The following S1PR4 variants were observed in gnomAD, a reference collection of about 807,000 sequenced individuals.
S1PR4 encodes sphingosine 1-phosphate receptor 4.
Under a neutral mutation model 0.4 loss-of-function variants are expected in S1PR4, and 1 was observed. The ratio of observed to expected loss-of-function variants is 2.48; its 90% CI spans 0.88 to 11.76. S1PR4 has a LOEUF of 11.76. S1PR4 is among the 30% of genes most tolerant of loss of function. S1PR4 has a pLI of 0.12. For missense variants in S1PR4, 595 were observed against 557.8 expected, an observed-to-expected ratio of 1.07 and a Z score of -0.67; for synonymous variants, 296 against 266.7, an observed-to-expected ratio of 1.11 and a Z score of -1.07.
Position 3,180,003 on chromosome 19 carries a change from T to A in S1PR4, c.*56T>A. 6.8e-7 allele frequency: 1 copy of A among 1,465,260 alleles called. No homozygotes were observed. Among genetic ancestry groups the A allele is most frequent in the Non-Finnish European group, 9.1e-7 (1 of 1,094,130 alleles). The allele number at this position is 1,465,260 out of a possible 1,614,324, so 90.8% of individuals were successfully genotyped here. On this transcript the variant is annotated 3_prime_UTR_variant, in exon 1 of 1. Coordinates refer to ENST00000246115, the MANE Select transcript of S1PR4 (RefSeq NM_003775.4). ...CACCGGGTGCGTGCCAGGCAGGCCC[T>A]CCTGGGGTACAGGAAGCTGTGTGCA...
In S1PR4 at chr19:3,178,843, G is replaced by A. The variant is rs763097963; in HGVS notation, c.51G>A (p.Ala17=). 106 of 1,535,114 alleles carry A rather than the reference G, an allele frequency of 6.9e-5. 1 individual carries two copies. In the African/African-American group the frequency reaches 9.8e-4, roughly 14 times the overall value. Residue 17 remains alanine, a synonymous_variant, in exon 1 of 1, where the codon GCG becomes GCA. Coordinates refer to ENST00000246115, the MANE Select transcript of S1PR4 (RefSeq NM_003775.4). ...CCCCCGAGTCCTGCCAACAGCTGGC[G>A]GCCGGCGGGCACAGCCGGCTCATTG... ...PVAPESCQQL[A]AGGHSRLIVL...
Position 3,178,911 on chromosome 19 carries a change from G to A in S1PR4, c.119G>A (p.Gly40Glu), listed in dbSNP as rs865950235. Residue 40 changes from glycine (G) to glutamate (E), a missense_variant, in exon 1 of 1, where the codon GGG becomes GAG. Gly to Glu is a moderately conservative substitution (Grantham distance 98). Transcript: ENST00000246115. Reference protein sequence around the residue: ...NHSGRLAGRGGPEDGGLGALR... With the variant: ...NHSGRLAGRGEPEDGGLGALR... ...TCGGGCCGGCTGGCCGGGCGCGGGG[G>A]GCCGGAGGATGGCGGCCTGGGGGCC... The A allele has an allele frequency of 7.2e-6, 11 of 1,524,462 alleles. No individual in the cohort carries two copies. The African/African-American group carries it at 9.7e-5, about 13-fold the overall frequency. 94.4% of individuals were successfully genotyped at this position (1,524,462 alleles called of 1,614,324 possible). A position where few individuals can be genotyped will look rare whatever the true frequency, so the allele number is the denominator to read the frequency against.
chr19:3,179,407 C>T lies in S1PR4; in HGVS notation c.615C>T (p.Ile205=). 16 of 1,613,356 alleles carry T rather than the reference C, an allele frequency of 9.9e-6. No individual in the cohort carries two copies. Among genetic ancestry groups the T allele is most frequent in the Non-Finnish European group, 1.4e-5 (16 of 1,179,944 alleles). The change falls in exon 1 of 1, where the codon ATC becomes ATT. Residue 205 remains isoleucine (I), a synonymous_variant. Coordinates refer to ENST00000246115, the MANE Select transcript of S1PR4 (RefSeq NM_003775.4). ...SLLPLYSKRY[I]LFCLVIFAGV... The stretch of plus-strand genomic sequence containing the variant: ...TGCCCCTCTACTCCAAGCGCTACAT[C>T]CTCTTCTGCCTGGTGATCTTCGCCG...
rs1203589423 is a variant in S1PR4, at chr19:3,179,011, C to A, written c.219C>A (p.Ser73Arg). 5.0e-6 allele frequency: 8 copies of A among 1,596,048 alleles called. No individual in the cohort carries two copies. The highest frequency in any genetic ancestry group is 6.8e-6 in the Non-Finnish European group (8 of 1,175,908). Residue 73 changes from serine (S) to arginine (R), a missense_variant, in exon 1 of 1, where the codon AGC (serine) becomes AGA (arginine). Ser to Arg is a moderately radical substitution (Grantham distance 110). Coordinates refer to ENST00000246115, the MANE Select transcript of S1PR4 (RefSeq NM_003775.4). ...TGCTGGTGCTGGCGGCCATCACCAG[C>A]CACATGCGGTCGCGACGCTGGGTCT... ...ENLLVLAAIT[S>R]HMRSRRWVYY...
rs779334115 is a variant in S1PR4 at position 3,179,256 on chromosome 19, G to C, written c.464G>C (p.Gly155Ala). Reference protein sequence around the residue: ...ATMVRPVAESGATKTSRVYGF... With the variant: ...ATMVRPVAESAATKTSRVYGF... ...ATGGTGCGGCCGGTGGCCGAGAGCGGGGCCACCAAGACCAGCCGCGTCTAC... is the reference window on the plus strand; with the variant it reads ...ATGGTGCGGCCGGTGGCCGAGAGCGCGGCCACCAAGACCAGCCGCGTCTAC... The change falls in exon 1 of 1, where the codon GGG becomes GCG. Residue 155 changes from glycine (G) to alanine (A), a missense_variant. Coordinates refer to ENST00000246115, the MANE Select transcript of S1PR4 (RefSeq NM_003775.4). The C allele has an allele frequency of 8.8e-6, 14 of 1,599,786 alleles. No individual in the cohort carries two copies. Among genetic ancestry groups the C allele is most frequent in the African/African-American group, 1.3e-5 (1 of 74,626 alleles).
rs766521572 is a variant in S1PR4, at chr19:3,178,846, C to T, written c.54C>T (p.Ala18=). ...VAPESCQQLA[A]GGHSRLIVLH... ...CCGAGTCCTGCCAACAGCTGGCGGC[C>T]GGCGGGCACAGCCGGCTCATTGTTC... is the stretch of plus-strand genomic sequence containing the variant. The change falls in exon 1 of 1, where the codon GCC becomes GCT. Residue 18 remains alanine, a synonymous_variant. Transcript: ENST00000246115. The T allele has an allele frequency of 1.8e-5, 27 of 1,535,132 alleles. No homozygotes were observed. Among genetic ancestry groups the T allele is most frequent in the Non-Finnish European group, 2.0e-5 (23 of 1,147,308 alleles).
Position 3,180,187 on chromosome 19 carries a change from T to C in S1PR4, c.*240T>C. 1 of 433,642 alleles carries C rather than the reference T, an allele frequency of 2.3e-6. No individual in the cohort carries two copies. The highest frequency in any genetic ancestry group is 4.2e-6 in the Non-Finnish European group (1 of 238,258). 26.9% of individuals were successfully genotyped at this position (433,642 alleles called of 1,614,324 possible). On this transcript the variant is annotated 3_prime_UTR_variant, in exon 1 of 1. Coordinates refer to ENST00000246115, the MANE Select transcript of S1PR4 (RefSeq NM_003775.4). Reference sequence around the variant, plus strand: ...CGTAGGAGCAGAGAGCACCCTGGTGTGGGGGCGAGTGGGTTCCCCACAACC... The same window carrying C: ...CGTAGGAGCAGAGAGCACCCTGGTGCGGGGGCGAGTGGGTTCCCCACAACC...
At position 3,178,779 on chromosome 19, in the gene S1PR4, C is replaced by A. The variant is rs1915480912; in HGVS notation, c.-14C>A. 6.8e-7 allele frequency: 1 copy of A among 1,467,966 alleles called. No individual in the cohort carries two copies. The highest frequency in any genetic ancestry group is 8.9e-7 in the Non-Finnish European group (1 of 1,120,362). 90.9% of individuals were successfully genotyped at this position (1,467,966 alleles called of 1,614,324 possible). On this transcript the variant is annotated 5_prime_UTR_variant, in exon 1 of 1. Coordinates refer to ENST00000246115, the MANE Select transcript of S1PR4 (RefSeq NM_003775.4). ...CACCCTGCGTCGGGCCTCAGTCAGC[C>A]CCCGGGGGAGGCCATGAACGCCACG... is the stretch of plus-strand genomic sequence containing the variant.
chr19:3,179,608 G>A lies in S1PR4; in HGVS notation c.816G>A (p.Leu272=), dbSNP rs1172600756. The change falls in exon 1 of 1, where the codon CTG becomes CTA. Residue 272 remains leucine, a synonymous_variant. Transcript: ENST00000246115. ...VCWGPLFGLL[L]ADVFGSNLWA... ...GGGGCCCACTCTTCGGGCTGCTGCT[G>A]GCCGACGTCTTTGGCTCCAACCTCT... 7 of 1,613,136 alleles carry A rather than the reference G, an allele frequency of 4.3e-6. No individual in the cohort carries two copies. The highest frequency in any genetic ancestry group is 1.6e-4 in the Middle Eastern group (1 of 6,082).
chr19:3,178,901 G>T lies in S1PR4; in HGVS notation c.109G>T (p.Gly37Trp). ...CTACAACCACTCGGGCCGGCTGGCC[G>T]GGCGCGGGGGGCCGGAGGATGGCGG... ...LHYNHSGRLAGRGGPEDGGLG... is the reference protein window; with the variant it reads ...LHYNHSGRLAWRGGPEDGGLG... Residue 37 changes from glycine to tryptophan, a missense_variant, in exon 1 of 1, where the codon GGG becomes TGG. By Grantham distance (184) the Gly-to-Trp change is radical. Transcript: ENST00000246115. 6.6e-7 allele frequency: 1 copy of T among 1,523,230 alleles called. No individual in the cohort carries two copies. 94.4% of individuals were successfully genotyped at this position (1,523,230 alleles called of 1,614,324 possible). A position where few individuals can be genotyped will look rare whatever the true frequency, so the allele number is the denominator to read the frequency against.
Position 3,179,593 on chromosome 19 carries a change from C to T in S1PR4, c.801C>T (p.Leu267=). 1 of 1,613,274 alleles carries T rather than the reference C, an allele frequency of 6.2e-7. No individual in the cohort carries two copies. Among genetic ancestry groups the T allele is most frequent in the Non-Finnish European group, 8.5e-7 (1 of 1,179,870 alleles). Residue 267 remains leucine (L), a synonymous_variant, in exon 1 of 1, where the codon CTC becomes CTT. Transcript: ENST00000246115. ...LLAFLVCWGP[L]FGLLLADVFG... is the part of the protein sequence containing the mutation. ...CCTTCCTGGTGTGCTGGGGCCCACT[C>T]TTCGGGCTGCTGCTGGCCGACGTCT...
Position 3,179,367 on chromosome 19 carries a change from G to A in S1PR4, c.575G>A (p.Arg192His), listed in dbSNP as rs148909695. 2,305 of 1,613,178 alleles carry A rather than the reference G, an allele frequency of 1.4e-3. 18 individuals are homozygous for A. Among genetic ancestry groups the A allele is most frequent in the East Asian group, 0.01 (449 of 44,868 alleles). ...TGGAACTGCCTGTGCGCCTTTGACC[G>A]CTGCTCCAGCCTTCTGCCCCTCTAC... ...LGWNCLCAFD[R>H]CSSLLPLYSK... is the part of the protein sequence containing the mutation. Residue 192 changes from arginine to histidine, a missense_variant, in exon 1 of 1, where the codon CGC (arginine) becomes CAC (histidine). Transcript: ENST00000246115.
Position 3,179,341 on chromosome 19 carries a change from C to A in S1PR4, c.549C>A (p.Gly183=), listed in dbSNP as rs747440065. 9.9e-6 allele frequency: 16 copies of A among 1,612,830 alleles called. No individual in the cohort carries two copies. The Admixed American group carries it at 2.7e-4, about 27-fold the overall frequency. ...TGCTGGGGATGCTGCCTTTGCTGGG[C>A]TGGAACTGCCTGTGCGCCTTTGACC... The part of the protein sequence containing the change: ...AALLGMLPLL[G]WNCLCAFDRC... The change falls in exon 1 of 1, where the codon GGC becomes GGA. Residue 183 remains glycine, a synonymous_variant. Coordinates refer to ENST00000246115, the MANE Select transcript of S1PR4 (RefSeq NM_003775.4).
rs369355383 is a variant in S1PR4 at position 3,179,134 on chromosome 19, G to A, written c.342G>A (p.Ala114=). The A allele has an allele frequency of 9.3e-5, 150 of 1,611,740 alleles. No individual in the cohort carries two copies. The highest frequency in any genetic ancestry group is 2.0e-4 in the South Asian group (18 of 91,044). ...LLSGARTFRL[A]PAQWFLREGL... ...CGGGGGCCCGCACCTTCCGTCTGGC[G>A]CCCGCCCAGTGGTTCCTACGGGAGG... Residue 114 remains alanine, a synonymous_variant, in exon 1 of 1, where the codon GCG becomes GCA. Transcript: ENST00000246115.
At position 3,179,820 on chromosome 19, in the gene S1PR4, A is replaced by G; in HGVS notation, c.1028A>G (p.Glu343Gly). 3 of 1,593,538 alleles carry G rather than the reference A, an allele frequency of 1.9e-6. No homozygotes were observed. Among genetic ancestry groups the G allele is most frequent in the Non-Finnish European group, 2.6e-6 (3 of 1,170,250 alleles). The change falls in exon 1 of 1, where the codon GAG (glutamate) becomes GGG (glycine). Residue 343 changes from glutamate (E) to glycine (G), a missense_variant. Coordinates refer to ENST00000246115, the MANE Select transcript of S1PR4 (RefSeq NM_003775.4). ...GGGGACTGCCTGGCCCGGGCCGTCG[A>G]GGCTCACTCCGGAGCTTCCACCACC... ...GPGDCLARAV[E>G]AHSGASTTDS...
In S1PR4 at chr19:3,179,261, A is replaced by G. The variant is rs775780456; in HGVS notation, c.469A>G (p.Thr157Ala). 2.5e-6 allele frequency: 4 copies of G among 1,601,984 alleles called. No homozygotes were observed. The South Asian group carries it at 4.5e-5, about 18-fold the overall frequency. Reference protein sequence around the residue: ...MVRPVAESGATKTSRVYGFIG... With the variant: ...MVRPVAESGAAKTSRVYGFIG... ...GCGGCCGGTGGCCGAGAGCGGGGCC[A>G]CCAAGACCAGCCGCGTCTACGGCTT... The change falls in exon 1 of 1, where the codon ACC (threonine) becomes GCC (alanine). Residue 157 changes from threonine to alanine, a missense_variant. Thr to Ala is a moderately conservative substitution (Grantham distance 58). Coordinates refer to ENST00000246115, the MANE Select transcript of S1PR4 (RefSeq NM_003775.4).
In S1PR4 at chr19:3,180,193, C is replaced by T. The variant is rs1915522334; in HGVS notation, c.*246C>T. 4.7e-6 allele frequency: 2 copies of T among 429,236 alleles called. No homozygotes were observed. The highest frequency in any genetic ancestry group is 8.5e-6 in the Non-Finnish European group (2 of 235,770). The allele number at this position is 429,236 out of a possible 1,614,324, so 26.6% of individuals were successfully genotyped here. A position where few individuals can be genotyped will look rare whatever the true frequency, so the allele number is the denominator to read the frequency against. ...AGCAGAGAGCACCCTGGTGTGGGGG[C>T]GAGTGGGTTCCCCACAACCCCGCTT... is the stretch of plus-strand genomic sequence containing the variant. On this transcript the variant is annotated 3_prime_UTR_variant, in exon 1 of 1. Transcript: ENST00000246115.
At position 3,179,400 on chromosome 19, in the gene S1PR4, G is replaced by A. The variant is rs138558077; in HGVS notation, c.608G>A (p.Arg203His). The A allele has an allele frequency of 1.1e-4, 179 of 1,613,192 alleles. 1 individual carries two copies. Among genetic ancestry groups the A allele is most frequent in the South Asian group, 7.4e-4 (67 of 91,090 alleles). ...CSSLLPLYSK[R>H]YILFCLVIFA... is the part of the protein sequence containing the mutation. ...AGCCTTCTGCCCCTCTACTCCAAGCGCTACATCCTCTTCTGCCTGGTGATC... is the reference window on the plus strand; with the variant it reads ...AGCCTTCTGCCCCTCTACTCCAAGCACTACATCCTCTTCTGCCTGGTGATC... Residue 203 changes from arginine (R) to histidine (H), a missense_variant, in exon 1 of 1, where the codon CGC becomes CAC. By Grantham distance (29) the Arg-to-His change is conservative (BLOSUM62 0). Transcript: ENST00000246115.
At position 3,179,900 on chromosome 19, in the gene S1PR4, C is replaced by T. The variant is rs750351396; in HGVS notation, c.1108C>T (p.Arg370Trp). 5.3e-6 allele frequency: 8 copies of T among 1,521,700 alleles called. No individual in the cohort carries two copies. The highest frequency in any genetic ancestry group is 4.6e-5 in the East Asian group (2 of 43,646). 94.3% of individuals were successfully genotyped at this position (1,521,700 alleles called of 1,614,324 possible). ...TCGCGGCTCCCGCTCGCTCAGCTTT[C>T]GGATGCGGGAGCCCCTGTCCAGCAT... ...SFRGSRSLSF[R>W]MREPLSSISS... The change falls in exon 1 of 1, where the codon CGG becomes TGG. Residue 370 changes from arginine to tryptophan, a missense_variant. Coordinates refer to ENST00000246115, the MANE Select transcript of S1PR4 (RefSeq NM_003775.4).
Sources: allele counts gnomAD v4.1 joint callset, GRCh38; gene constraint gnomAD v4.1.1; transcripts MANE v1.5; gene names NCBI Gene and HGNC (gene_info 2026-07-23, HGNC 2026-07-21).